Variants in DENND5B observed in about 807,000 individuals in gnomAD.
The protein encoded by DENND5B is DENN domain-containing protein 5B.
In DENND5B, 34 loss-of-function variants were observed where a neutral mutation model predicts 140.6. The ratio of observed to expected loss-of-function variants is 0.24; its 90% confidence interval spans 0.18 to 0.32. DENND5B has a LOEUF of 0.32. Ranked by LOEUF, DENND5B falls within the 10% of genes least tolerant of loss-of-function variation. DENND5B has a pLI of 1.00. For synonymous variants in DENND5B, 551 were observed against 562.1 expected, an observed-to-expected ratio of 0.98 and a Z score of 0.28; for missense variants, 1,142 against 1,560.2, an observed-to-expected ratio of 0.73 and a Z score of 4.52.
intron 1 of DENND5B, among the ~76,000 whole-genome samples, chr12:31,571,364 T>C (rs1009133142): frequency 1.3e-5 from 2 of 152,228 alleles, no homozygotes; most frequent in African/African-American, 2.4e-5. Flanking sequence ...GTCACTAGTG[T>C]TTTCCCCTTT....
intron 20 of DENND5B, among the ~76,000 whole-genome samples, chr12:31,388,710 T>C (rs189520057): frequency 2.0e-3 from 308 of 152,294 alleles, no homozygotes; most frequent in African/African-American, 7.0e-3. Flanking sequence ...AAGTAATGGA[T>C]TGTATCGCTC....
chr12:31,505,114 T>C (rs896260964), intron 1 of DENND5B, among the ~76,000 whole-genome samples: 2 of 152,206 alleles, frequency 1.3e-5, no homozygotes, highest in Non-Finnish European at 2.9e-5. Flanking sequence ...TTTGTGTTCG[T>C]TTTGACTTTC....
chr12:31,460,289 A>G lies in DENND5B; in HGVS notation c.997T>C (p.Ser333Pro). ...QHVYVPILPA[S>P]LLHFLDAPVP... Reference sequence around the variant, plus strand: ...GGAGCATCAAGAAAATGTAGCAGAGAAGCAGGTAGAATGGGCACATAAACA... The same window carrying G: ...GGAGCATCAAGAAAATGTAGCAGAGGAGCAGGTAGAATGGGCACATAAACA... Residue 333 changes from serine (S) to proline (P), a missense_variant, in exon 4 of 21, where the codon TCT becomes CCT. By Grantham distance (74) the Ser-to-Pro change is moderately conservative. Coordinates refer to ENST00000389082, the MANE Select transcript of DENND5B (RefSeq NM_144973.4). 6.2e-7 allele frequency: 1 copy of G among 1,613,986 alleles called. No individual in the cohort carries two copies. The highest frequency in any genetic ancestry group is 8.5e-7 in the Non-Finnish European group (1 of 1,179,888).
chr12:31,522,394 G>A (rs924556268), intron 1 of DENND5B, among the ~76,000 whole-genome samples: 33 of 152,200 alleles, frequency 2.2e-4, no homozygotes, highest in African/African-American at 7.2e-4. Flanking sequence ...TTTCCTAGGT[G>A]AGGTAAATAT....
intron 16 of DENND5B, among the ~76,000 whole-genome samples, chr12:31,399,137 AAAAAAAAAGAG>A (rs1313474497): frequency 3.5e-5 from 5 of 141,496 alleles, no homozygotes; most frequent in African/African-American, 8.3e-5. Context: ...CAAAAAAAAA[AAAAAAAAAGAG>A]AGAGAAAGAA....
At chr12:31,531,193 T>TC (rs2139083482) in intron 1 of DENND5B, among the ~76,000 whole-genome samples, 1 of 102,578 alleles carries the variant, frequency 9.7e-6, no homozygotes, top group East Asian at 2.2e-4. Flanking sequence ...TAGAACTAAC[T>TC]TTTTTTTTTT....
intron 1 of DENND5B, among the ~76,000 whole-genome samples, chr12:31,567,681 C>T (rs1949678566): frequency 6.6e-6 from 1 of 151,942 alleles, no homozygotes. Flanking sequence ...TAGGGTGGTG[C>T]ATACCTGCAG....
At chr12:31,448,427 G>A (rs1336796612) in intron 5 of DENND5B, among the ~76,000 whole-genome samples, 1 of 152,128 alleles carries the variant, frequency 6.6e-6, no homozygotes, top group Non-Finnish European at 1.5e-5. Flanking sequence ...GAGCCACCGC[G>A]CCCAGCTACA....
intron 11 of DENND5B, chr12:31,419,933 A>G: frequency 3.6e-6 from 3 of 831,516 alleles, no homozygotes; most frequent in Non-Finnish European, 4.3e-6. Flanking sequence ...AGACTGCGCC[A>G]TTGCACTCTA....
chr12:31,555,650 T>C (rs1419496247), intron 1 of DENND5B, among the ~76,000 whole-genome samples: 2 of 152,220 alleles, frequency 1.3e-5, no homozygotes, highest in East Asian at 3.9e-4. Flanking sequence ...CCCCCAGAGG[T>C]GGCGCCTACA....
At chr12:31,513,087 T>C (rs1046195550) in intron 1 of DENND5B, among the ~76,000 whole-genome samples, 6 of 152,174 alleles carry the variant, frequency 3.9e-5, no homozygotes, top group Non-Finnish European at 7.3e-5. Flanking sequence ...TTAATAGTTT[T>C]GAGTAGTATT....
intron 11 of DENND5B, among the ~76,000 whole-genome samples, chr12:31,418,960 C>T (rs1227430080): frequency 2.0e-5 from 3 of 152,136 alleles, no homozygotes; most frequent in East Asian, 1.9e-4. Context: ...TTAAACCACA[C>T]AGTTTGTGGT....
intron 3 of DENND5B, among the ~76,000 whole-genome samples, chr12:31,471,190 A>C (rs1385826626): frequency 1.3e-5 from 2 of 152,330 alleles, no homozygotes; most frequent in Non-Finnish European, 2.9e-5. Flanking sequence ...AATTATGTGG[A>C]AACCGCCTGG....
At chr12:31,579,162 T>G (rs187762934) in intron 1 of DENND5B, among the ~76,000 whole-genome samples, 59 of 152,258 alleles carry the variant, frequency 3.9e-4, no homozygotes, top group Non-Finnish European at 7.5e-4. Context: ...TTAGTAAAAA[T>G]AGTTACAAGA....
intron 16 of DENND5B, among the ~76,000 whole-genome samples, chr12:31,399,147 AGAG>A (rs1941653392): frequency 6.1e-5 from 1 of 16,314 alleles, no homozygotes; most frequent in East Asian, 4.2e-3. Context: ...AAAAAAAAAG[AGAG>A]AGAAAGAAAA....
chr12:31,534,775 T>A (rs1307775481), intron 1 of DENND5B: 2 of 421,072 alleles, frequency 4.7e-6, no homozygotes, highest in Non-Finnish European at 9.3e-6. Flanking sequence ...GATAGATACT[T>A]GTCCTCCTGG....
intron 13 of DENND5B, among the ~76,000 whole-genome samples, chr12:31,411,783 T>C (rs1463441030): frequency 6.6e-6 from 1 of 152,042 alleles, no homozygotes; most frequent in Non-Finnish European, 1.5e-5. Context: ...CTCCAGGGGG[T>C]ATGTAATCCA....
chr12:31,416,632 A>G (rs1023428288), intron 11 of DENND5B, among the ~76,000 whole-genome samples: 1 of 152,158 alleles, frequency 6.6e-6, no homozygotes, highest in Admixed American at 6.5e-5. Flanking sequence ...ATATAAATTA[A>G]GCTACTAAAA....
intron 9 of DENND5B, 41 bp downstream of exon 9, chr12:31,426,252 A>G (rs1310749023): frequency 2.5e-6 from 4 of 1,575,050 alleles, no homozygotes; most frequent in Non-Finnish European, 3.4e-6. Flanking sequence ...CATGGTGTAA[A>G]CATGAATGCA....
Sources: gnomAD v4.1 joint callset for allele counts (sites outside exome capture counted in the v4.1 genomes callset) on GRCh38, gnomAD v4.1.1 for gene constraint, MANE v1.5 for transcripts, NCBI Gene and HGNC (gene_info 2026-07-23, HGNC 2026-07-21) for gene names.